Variants in ASCC1 observed in about 807,000 individuals in gnomAD.
The protein encoded by ASCC1 is ASC-1 complex subunit P50.
Under a neutral mutation model 46.6 loss-of-function variants are expected in ASCC1, and 35 were observed. That is an observed-to-expected ratio of 0.75 (90% CI 0.57 to 0.99). The LOEUF (loss-of-function observed/expected upper bound fraction) is 0.99. Ranked by LOEUF, ASCC1 falls within the 50% of genes least tolerant of loss-of-function variation. The pLI is 0.00. For synonymous variants in ASCC1, 143 were observed against 146.6 expected (o/e 0.98, Z 0.18); for missense variants, 376 against 428.7 (o/e 0.88, Z 1.09).
At chr10:72,182,401 C>A (rs188552196) in intron 5 of ASCC1, among the ~76,000 whole-genome samples, 1 of 152,260 alleles carries the variant, frequency 6.6e-6, no homozygotes, top group East Asian at 1.9e-4. Context: ...AATGTTCTGG[C>A]TTGTGTGGGG....
intron 9 of ASCC1, among the ~76,000 whole-genome samples, chr10:72,127,824 C>T (rs563719598): frequency 3.2e-4 from 48 of 152,146 alleles, no homozygotes; most frequent in African/African-American, 9.9e-4. Context: ...CCACTGCACT[C>T]CAGCGTGAGC....
intron 5 of ASCC1, among the ~76,000 whole-genome samples, chr10:72,191,237 T>A (rs1293102266): frequency 4.7e-5 from 7 of 147,902 alleles, no homozygotes; most frequent in African/African-American, 1.8e-4. Context: ...TTTTTTTTTT[T>A]TGTATTTTTA....
At chr10:72,142,528 G>C (rs1002858227) in intron 7 of ASCC1, among the ~76,000 whole-genome samples, 46 of 151,906 alleles carry the variant, frequency 3.0e-4, no homozygotes, top group African/African-American at 1.0e-3. Flanking sequence ...CACCATGCCC[G>C]GCTAATTTTT....
intron 6 of ASCC1, among the ~76,000 whole-genome samples, chr10:72,156,164 T>C (rs1420033574): frequency 2.0e-5 from 3 of 152,182 alleles, no homozygotes; most frequent in Admixed American, 6.6e-5. Flanking sequence ...GCTCTCACTC[T>C]GAGTTCACAC....
At chr10:72,180,372 T>C (rs915310653) in intron 5 of ASCC1, among the ~76,000 whole-genome samples, 17 of 152,094 alleles carry the variant, frequency 1.1e-4, no homozygotes, top group African/African-American at 3.9e-4. Flanking sequence ...ACACCTGTAA[T>C]CCCAGCACTT....
chr10:72,161,555 A>G lies in ASCC1; in HGVS notation c.609T>C (p.Cys203=), dbSNP rs1211177356. 1 of 1,614,196 alleles carries G rather than the reference A, an allele frequency of 6.2e-7. No individual in the cohort carries two copies. The change falls in exon 6 of 10, where the codon TGT becomes TGC. Residue 203 remains cysteine (C), a synonymous_variant. Coordinates refer to ENST00000672957, the MANE Select transcript of ASCC1 (RefSeq NM_001198800.3). ...TTACTCACTTAATGAATTCCTCTTTACACTGCTGTAGCATCTCACATGTCT... is the reference window on the plus strand; with the variant it reads ...TTACTCACTTAATGAATTCCTCTTTGCACTGCTGTAGCATCTCACATGTCT... ...IQQTCEMLQQ[C]KEEFINDISG...
At chr10:72,097,609 G>A (rs1341457162) in intron 9 of ASCC1, among the ~76,000 whole-genome samples, 159 bp from the exon 10 acceptor site, 1 of 152,180 alleles carries the variant, frequency 6.6e-6, no homozygotes, top group Non-Finnish European at 1.5e-5. Context: ...TCCAGGAGAG[G>A]AGGGATGGGG....
At chr10:72,187,740 A>C (rs1853711211) in intron 5 of ASCC1, among the ~76,000 whole-genome samples, 2 of 147,440 alleles carry the variant, frequency 1.4e-5, no homozygotes, top group South Asian at 4.3e-4. Context: ...AAAAAAAAAA[A>C]AACTGGTTTT....
chr10:72,107,262 GA>G (rs1169974537), intron 9 of ASCC1, among the ~76,000 whole-genome samples: 1 of 151,348 alleles, frequency 6.6e-6, no homozygotes, highest in Non-Finnish European at 1.5e-5. Flanking sequence ...ACTTTATTGG[GA>G]GTTAAGTCAT....
At chr10:72,182,521 G>A (rs891126105) in intron 5 of ASCC1, among the ~76,000 whole-genome samples, 6 of 152,094 alleles carry the variant, frequency 3.9e-5, no homozygotes, top group African/African-American at 1.4e-4. Context: ...AGGTGCCACG[G>A]CAGGGTTGTT....
chr10:72,161,281 T>C (rs547441496), intron 6 of ASCC1, among the ~76,000 whole-genome samples: 1 of 152,076 alleles, frequency 6.6e-6, no homozygotes, highest in East Asian at 1.9e-4. Context: ...ATAGACAGAA[T>C]AATGACCCCC....
intron 9 of ASCC1, among the ~76,000 whole-genome samples, chr10:72,108,104 T>G (rs1842555752): frequency 6.8e-6 from 1 of 147,336 alleles, no homozygotes; most frequent in African/African-American, 2.5e-5. Context: ...TGAAACAAGG[T>G]CTTACTCTGT....
intron 7 of ASCC1, among the ~76,000 whole-genome samples, chr10:72,141,077 ATAG>A (rs1846927630): frequency 6.7e-6 from 1 of 150,192 alleles, no homozygotes; most frequent in Non-Finnish European, 1.5e-5. Flanking sequence ...AGATAGATAG[ATAG>A]ATAGATATAG....
At chr10:72,160,781 T>TAAAAA (rs568875489) in intron 6 of ASCC1, among the ~76,000 whole-genome samples, 1 of 132,276 alleles carries the variant, frequency 7.6e-6, no homozygotes, top group Non-Finnish European at 1.7e-5. Context: ...TTATTTGTAT[T>TAAAAA]AAAAAAAAAA....
chr10:72,102,435 C>T, intron 9 of ASCC1: 2 of 1,536,634 alleles, frequency 1.3e-6, no homozygotes, highest in African/African-American at 1.4e-5. Flanking sequence ...TAAGTGGAAA[C>T]AGATCACTAT....
intron 9 of ASCC1, among the ~76,000 whole-genome samples, chr10:72,123,329 AC>A (rs1844448284): frequency 6.7e-6 from 1 of 148,704 alleles, no homozygotes; most frequent in Non-Finnish European, 1.5e-5. Flanking sequence ...GCAGAGCAAG[AC>A]TCCGTCTCAA....
chr10:72,152,429 C>T (rs1019159812), intron 7 of ASCC1, among the ~76,000 whole-genome samples: 1 of 152,130 alleles, frequency 6.6e-6, no homozygotes, highest in African/African-American at 2.4e-5. Context: ...GAAACTCATA[C>T]TCTAAAATGC....
chr10:72,181,535 A>C (rs1439851942), intron 5 of ASCC1, among the ~76,000 whole-genome samples: 1 of 152,228 alleles, frequency 6.6e-6, no homozygotes, highest in African/African-American at 2.4e-5. Context: ...TTGGAAAAAC[A>C]AAAATTTTGA....
At chr10:72,163,313 T>C (rs1216964597) in intron 5 of ASCC1, among the ~76,000 whole-genome samples, 1 of 152,148 alleles carries the variant, frequency 6.6e-6, no homozygotes, top group Non-Finnish European at 1.5e-5. Flanking sequence ...TACATGTACA[T>C]GCATGTTTCC....
Sources: allele counts gnomAD v4.1 joint callset (sites outside exome capture counted in the v4.1 genomes callset), GRCh38; gene constraint gnomAD v4.1.1; transcripts MANE v1.5; gene names NCBI Gene and HGNC (gene_info 2026-07-23, HGNC 2026-07-21).